NRBP1: variants seen among roughly 807,000 people sequenced by gnomAD.
The protein encoded by NRBP1 is nuclear receptor binding protein 1.
A neutral mutation model predicts 76.0 loss-of-function variants in NRBP1; 10 were observed. The ratio of observed to expected loss-of-function variants is 0.13; its 90% CI spans 0.08 to 0.22. The LOEUF (loss-of-function observed/expected upper bound fraction) is 0.22, where lower values mean the gene tolerates loss of function less well. NRBP1 is among the 10% of genes least tolerant of loss of function. The pLI is 1.00. For synonymous variants in NRBP1, 235 were observed against 240.2 expected, an observed-to-expected ratio of 0.98 and a Z score of 0.20; for missense variants, 344 against 646.0, an observed-to-expected ratio of 0.53 and a Z score of 5.07.
At chr2:27,440,103 C>T (rs1664474929) in intron 11 of NRBP1, among the ~76,000 whole-genome samples, 1 of 147,064 alleles carries the variant, frequency 6.8e-6, no homozygotes, top group South Asian at 2.1e-4. Context: ...CCTCCAGCTC[C>T]CAGGCTCAAG....
At position 27,441,614 on chromosome 2, in the gene NRBP1, A is replaced by G. The variant is rs754046270; in HGVS notation, c.1495A>G (p.Ile499Val). ...LAAELVQLGF[I>V]SEADQSRLTS... ...GGCTGAGCTGGTGCAGCTGGGCTTC[A>G]TTAGTGAGGTGAGGTTTCTGCCTTC... is the stretch of plus-strand genomic sequence containing the variant. The change falls in exon 17 of 18, where the codon ATT becomes GTT. Residue 499 changes from isoleucine (I) to valine (V), a missense_variant. Ile to Val is a conservative substitution (Grantham distance 29). Transcript: ENST00000379852. The G allele has an allele frequency of 1.9e-6, 3 of 1,614,094 alleles. No homozygotes were observed. The highest frequency in any genetic ancestry group is 2.5e-6 in the Non-Finnish European group (3 of 1,180,014).
At position 27,441,363 on chromosome 2, in the gene NRBP1, G is replaced by T. The variant is rs528317350; in HGVS notation, c.1447+33G>T. ...TCTCCTTTCCCTCAGAGGATGGAGAGTCTATGAGCCTTATCTTTTAGGGAC... is the reference window on the plus strand; with the variant it reads ...TCTCCTTTCCCTCAGAGGATGGAGATTCTATGAGCCTTATCTTTTAGGGAC... On this transcript the variant is annotated intron_variant, in intron 16 of 17. Coordinates refer to ENST00000379852, the MANE Select transcript of NRBP1 (RefSeq NM_013392.4). 18 of 1,597,306 alleles carry T rather than the reference G, an allele frequency of 1.1e-5. No homozygotes were observed. In the East Asian group the frequency reaches 4.0e-4, roughly 36 times the overall value.
chr2:27,437,312 G>A lies in NRBP1; in HGVS notation c.855G>A (p.Gln285=). Residue 285 remains glutamine (Q), a synonymous_variant, in exon 10 of 18, where the codon CAG becomes CAA. Transcript: ENST00000379852. ...ATGGAGAGTCCTCATATGTGCCACA[G>A]GAAGCCATCAGCAGTGCCATCCAGC... is the stretch of plus-strand genomic sequence containing the variant. The part of the protein sequence containing the change: ...QGNGESSYVP[Q]EAISSAIQLL... 6.2e-7 allele frequency: 1 copy of A among 1,613,936 alleles called. No homozygotes were observed. Among genetic ancestry groups the A allele is most frequent in the Non-Finnish European group, 8.5e-7 (1 of 1,179,890 alleles).
intron 6 of NRBP1, 112 bp from the exon 7 acceptor site, chr2:27,435,021 G>A: frequency 1.5e-6 from 1 of 687,926 alleles, no homozygotes; most frequent in South Asian, 1.8e-5. Context: ...AGAGTGTGGG[G>A]ATTATCTTTA....
At position 27,441,165 on chromosome 2, in the gene NRBP1, G is replaced by A. The variant is rs780934170; in HGVS notation, c.1368G>A (p.Glu456=). The A allele has an allele frequency of 1.2e-6, 2 of 1,614,034 alleles. No individual in the cohort carries two copies. Among genetic ancestry groups the A allele is most frequent in the South Asian group, 1.1e-5 (1 of 91,078 alleles). Residue 456 remains glutamate, a synonymous_variant, in exon 15 of 18, where the codon GAG becomes GAA. Coordinates refer to ENST00000379852, the MANE Select transcript of NRBP1 (RefSeq NM_013392.4). ...LMQCNIESVE[E]GVKHHLTLLL... is the part of the protein sequence containing the mutation. ...AGTGCAACATTGAGTCGGTGGAGGA[G>A]GGAGTCAAACACCACGTAAGGCTCA... is the stretch of plus-strand genomic sequence containing the variant.
At position 27,439,816 on chromosome 2, in the gene NRBP1, C is replaced by T. The variant is rs982142158; in HGVS notation, c.954C>T (p.Ala318=). ...LQSEPARRPT[A]RELLFHPALF... ...CTGAGCCTGCTCGCAGACCAACAGC[C>T]AGAGAACTTCTGTTCCACCCAGCAT... The change falls in exon 11 of 18, where the codon GCC becomes GCT. Residue 318 remains alanine, a synonymous_variant. Coordinates refer to ENST00000379852, the MANE Select transcript of NRBP1 (RefSeq NM_013392.4). 1.9e-6 allele frequency: 3 copies of T among 1,613,964 alleles called. No homozygotes were observed. Among genetic ancestry groups the T allele is most frequent in the African/African-American group, 1.3e-5 (1 of 74,904 alleles).
rs916677318 is a variant in NRBP1, at chr2:27,440,581, C to A, written c.1143-71C>A. On this transcript the variant is annotated intron_variant, in intron 12 of 17. Coordinates refer to ENST00000379852, the MANE Select transcript of NRBP1 (RefSeq NM_013392.4). ...CTTGAGGCTCTGTAAACTGTCCATTCTCTGGGAATGCTTGAATTTGCTATT... is the reference window on the plus strand; with the variant it reads ...CTTGAGGCTCTGTAAACTGTCCATTATCTGGGAATGCTTGAATTTGCTATT... The A allele has an allele frequency of 8.7e-6, 14 of 1,605,080 alleles. No individual in the cohort carries two copies. In the African/African-American group the frequency reaches 1.9e-4, roughly 21 times the overall value.
chr2:27,442,254 C>A lies in NRBP1; in HGVS notation c.*442C>A. 1.5e-6 allele frequency: 1 copy of A among 669,120 alleles called. No homozygotes were observed. The highest frequency in any genetic ancestry group is 2.4e-6 in the Non-Finnish European group (1 of 418,892). The allele number at this position is 669,120 out of a possible 1,614,324, so 41.4% of individuals were successfully genotyped here. A position where few individuals can be genotyped will look rare whatever the true frequency, so the allele number is the denominator to read the frequency against. ...TGCTGTAATAAAAGTCTACTTTTTG[C>A]TAAAAGCGTCGTGTGTTCGCGCCTT... is the stretch of plus-strand genomic sequence containing the variant. On this transcript the variant is annotated 3_prime_UTR_variant, in exon 18 of 18. Transcript: ENST00000379852.
Position 27,441,840 on chromosome 2 carries a change from C to T in NRBP1, c.*28C>T, listed in dbSNP as rs375201231. 1.4e-4 allele frequency: 195 copies of T among 1,422,594 alleles called. No homozygotes were observed. The highest frequency in any genetic ancestry group is 5.3e-4 in the Middle Eastern group (3 of 5,614). 88.1% of individuals were successfully genotyped at this position (1,422,594 alleles called of 1,614,324 possible). A position where few individuals can be genotyped will look rare whatever the true frequency, so the allele number is the denominator to read the frequency against. On this transcript the variant is annotated 3_prime_UTR_variant, in exon 18 of 18. Coordinates refer to ENST00000379852, the MANE Select transcript of NRBP1 (RefSeq NM_013392.4). ...CTCACTCGGGCCAGGCCCTGATCTGCGCTGTGGCTGTCCCTGGACGTGCTG... is the reference window on the plus strand; with the variant it reads ...CTCACTCGGGCCAGGCCCTGATCTGTGCTGTGGCTGTCCCTGGACGTGCTG...
chr2:27,434,387 C>T (rs1664229214), intron 4 of NRBP1, 84 bp from the exon 5 acceptor site: 3 of 1,039,444 alleles, frequency 2.9e-6, no homozygotes, highest in Middle Eastern at 2.1e-4. Context: ...GAAATTTTAA[C>T]AAACCTTCAA....
Position 27,437,119 on chromosome 2 carries a change from A to C in NRBP1, c.804+14A>C. On this transcript the variant is annotated intron_variant, in intron 9 of 17. Coordinates refer to ENST00000379852, the MANE Select transcript of NRBP1 (RefSeq NM_013392.4). ...TGTGCACTGGAGGTGAGGGGACTGGAGGGGAGGGGGGAAAGGGGTCAGATG... is the reference window on the plus strand; with the variant it reads ...TGTGCACTGGAGGTGAGGGGACTGGCGGGGAGGGGGGAAAGGGGTCAGATG... 2 of 1,568,114 alleles carry C rather than the reference A, an allele frequency of 1.3e-6. No homozygotes were observed. Among genetic ancestry groups the C allele is most frequent in the African/African-American group, 1.4e-5 (1 of 73,878 alleles).
At chr2:27,439,995 CTTTTTTTTTTTTT>C (rs70953859) in intron 11 of NRBP1, 97 bp downstream of exon 11, 425 of 459,676 alleles carry the variant, frequency 9.2e-4, no homozygotes, top group South Asian at 3.3e-3. Context: ...CAAAGGGATT[CTTTTTTTTTTTTT>C]TTTTTTTTTT....
intron 2 of NRBP1, 66 bp from the exon 3 acceptor site, chr2:27,433,607 A>AT: frequency 6.2e-7 from 1 of 1,608,856 alleles, no homozygotes; most frequent in Non-Finnish European, 8.5e-7. Flanking sequence ...AGATGATCAT[A>AT]TGGAGTGTTA....
intron 1 of NRBP1, 62 bp from the exon 2 acceptor site, chr2:27,433,192 C>T: frequency 8.0e-7 from 1 of 1,243,604 alleles, no homozygotes; most frequent in Non-Finnish European, 1.2e-6. Context: ...ATTACTAAAT[C>T]TTTACAGATG....
intron 1 of NRBP1, among the ~76,000 whole-genome samples, chr2:27,432,837 A>G (rs1664157420): frequency 6.6e-6 from 1 of 152,100 alleles, no homozygotes; most frequent in Non-Finnish European, 1.5e-5. Context: ...TCGGCTTCTC[A>G]AAGTGCTGGG....
chr2:27,442,125 C>A lies in NRBP1; in HGVS notation c.*313C>A, dbSNP rs1321714190. 1.9e-6 allele frequency: 1 copy of A among 531,798 alleles called. No individual in the cohort carries two copies. Among genetic ancestry groups the A allele is most frequent in the Non-Finnish European group, 3.3e-6 (1 of 304,026 alleles). The allele number at this position is 531,798 out of a possible 1,614,324, so 32.9% of individuals were successfully genotyped here. A position where few individuals can be genotyped will look rare whatever the true frequency, so the allele number is the denominator to read the frequency against. Reference sequence around the variant, plus strand: ...TGTGTGGAAAGGAGGCCCACGGGCACTAGGGGAGCCGAATTCTACAATCCC... The same window carrying A: ...TGTGTGGAAAGGAGGCCCACGGGCAATAGGGGAGCCGAATTCTACAATCCC... On this transcript the variant is annotated 3_prime_UTR_variant, in exon 18 of 18. Coordinates refer to ENST00000379852, the MANE Select transcript of NRBP1 (RefSeq NM_013392.4).
In NRBP1 at chr2:27,433,795, G is replaced by A; in HGVS notation, c.333G>A (p.Glu111=). 6 of 1,614,182 alleles carry A rather than the reference G, an allele frequency of 3.7e-6. No individual in the cohort carries two copies. Among genetic ancestry groups the A allele is most frequent in the Non-Finnish European group, 5.1e-6 (6 of 1,180,032 alleles). Residue 111 remains glutamate, a splice_region_variant and synonymous_variant, in exon 3 of 18, where the codon GAG becomes GAA. Coordinates refer to ENST00000379852, the MANE Select transcript of NRBP1 (RefSeq NM_013392.4). ...FSERKNYKLQ[E]EKVRAVFDNL... is the part of the protein sequence containing the mutation. ...AACGCAAGAACTACAAGCTGCAGGA[G>A]GTAGGTGATGCTGAAAAGGTGAAGC... is the stretch of plus-strand genomic sequence containing the variant.
rs757360840 is a variant in NRBP1, at chr2:27,439,828, G to C, written c.966G>C (p.Leu322=). 1.2e-6 allele frequency: 2 copies of C among 1,614,082 alleles called. No individual in the cohort carries two copies. The highest frequency in any genetic ancestry group is 1.7e-6 in the Non-Finnish European group (2 of 1,180,016). ...GCAGACCAACAGCCAGAGAACTTCT[G>C]TTCCACCCAGCATTGTTTGAAGTGC... ...PARRPTAREL[L]FHPALFEVPS... The change falls in exon 11 of 18, where the codon CTG becomes CTC. Residue 322 remains leucine (L), a synonymous_variant. Transcript: ENST00000379852.
At position 27,433,284 on chromosome 2, in the gene NRBP1, G is replaced by A. The variant is rs1339699398; in HGVS notation, c.11G>A (p.Gly4Glu). Residue 4 changes from glycine to glutamate, a missense_variant, in exon 2 of 18, where the codon GGG becomes GAG. By Grantham distance (98) the Gly-to-Glu change is moderately conservative. Transcript: ENST00000379852. Reference sequence around the variant, plus strand: ...AGTGTTCCTTCCAGCATGTCGGAGGGGGAGTCCCAGACAGTACTTAGCAGT... The same window carrying A: ...AGTGTTCCTTCCAGCATGTCGGAGGAGGAGTCCCAGACAGTACTTAGCAGT... Reference protein sequence around the residue: MSEGESQTVLSSGS... With the variant: MSEEESQTVLSSGS... 1.2e-6 allele frequency: 2 copies of A among 1,613,734 alleles called. No homozygotes were observed. The highest frequency in any genetic ancestry group is 1.3e-5 in the African/African-American group (1 of 75,042).
Sources: allele counts gnomAD v4.1 joint callset (sites outside exome capture counted in the v4.1 genomes callset), GRCh38; gene constraint gnomAD v4.1.1; transcripts MANE v1.5; gene names NCBI Gene and HGNC (gene_info 2026-07-23, HGNC 2026-07-21).